Variants in CAMK2D observed in about 807,000 individuals in gnomAD.
CAMK2D encodes the protein calcium/calmodulin-dependent protein kinase type II subunit delta.
CAMK2D carries 37 observed loss-of-function variants against 84.0 expected under a neutral mutation model. That is an observed-to-expected ratio of 0.44 (90% CI 0.34 to 0.58). CAMK2D has a LOEUF of 0.58. CAMK2D is among the 20% of genes least tolerant of loss of function. The probability of loss-of-function intolerance (pLI) is 0.02; values close to 1 mark genes in which losing one functional copy is unlikely to be tolerated. For synonymous variants in CAMK2D, 202 were observed against 212.5 expected, an observed-to-expected ratio of 0.95 and a Z score of 0.43; for missense variants, 448 against 652.5, an observed-to-expected ratio of 0.69 and a Z score of 3.41.
Position 113,517,501 on chromosome 4 carries a change from C to T in CAMK2D, c.696+62G>A, listed in dbSNP as rs562155453. On this transcript the variant is annotated intron_variant, in intron 9 of 20. Transcript: ENST00000511664. Reference sequence around the variant, plus strand: ...TTAAAAGAAAAATGAAAAGATCTGGCTCTTGGTCAACAGGCAAAAGACAAA... The same window carrying T: ...TTAAAAGAAAAATGAAAAGATCTGGTTCTTGGTCAACAGGCAAAAGACAAA... 7.6e-5 allele frequency: 54 copies of T among 711,538 alleles called. 1 individual carries two copies. The South Asian group carries it at 1.1e-3, about 15-fold the overall frequency. The allele number at this position is 711,538 out of a possible 1,614,324, so 44.1% of individuals were successfully genotyped here. A position where few individuals can be genotyped will look rare whatever the true frequency, so the allele number is the denominator to read the frequency against.
intron 2 of CAMK2D, among the ~76,000 whole-genome samples, chr4:113,687,619 A>T (rs1404520168): frequency 6.6e-6 from 1 of 152,238 alleles, no homozygotes; most frequent in Admixed American, 6.5e-5. Flanking sequence ...TGACTAAACA[A>T]GGAAACTTTC....
Position 113,506,632 on chromosome 4 carries a change from C to T in CAMK2D, c.985-1597G>A, listed in dbSNP as rs560133049. Reference sequence around the variant, plus strand: ...AATAATTTCCTATTCGGGAAACATGCTAGGCAAAACATAGCCGGCTTCCTG... The same window carrying T: ...AATAATTTCCTATTCGGGAAACATGTTAGGCAAAACATAGCCGGCTTCCTG... On this transcript the variant is annotated intron_variant, in intron 13 of 20. Coordinates refer to ENST00000511664, the MANE Select transcript of CAMK2D (RefSeq NM_001321571.2). Among the ~76,000 whole-genome samples the T allele has an allele frequency of 2.6e-5, 4 of 152,252 alleles. 1 individual carries two copies. The South Asian group carries it at 8.3e-4, about 32-fold the overall frequency.
intron 3 of CAMK2D, among the ~76,000 whole-genome samples, chr4:113,656,052 C>T (rs881377): frequency 0.069 from 10,458 of 152,130 alleles, 570 homozygotes; most frequent in East Asian, 0.22. Context: ...TGACATATAG[C>T]TCAGAATTTC....
At chr4:113,740,545 AG>A (rs762901575) in intron 2 of CAMK2D, among the ~76,000 whole-genome samples, 6 of 152,092 alleles carry the variant, frequency 3.9e-5, no homozygotes, top group Non-Finnish European at 7.4e-5. Flanking sequence ...CTCACATTTA[AG>A]TCAAGACCTG....
chr4:113,754,100 A>T (rs1464940626), intron 2 of CAMK2D: 1 of 873,538 alleles, frequency 1.1e-6, no homozygotes, highest in Non-Finnish European at 1.4e-6. Context: ...AAATATAAAG[A>T]TATGTTTTAC....
At chr4:113,487,372 TATAG>T (rs1564560812) in intron 16 of CAMK2D, among the ~76,000 whole-genome samples, 1 of 152,110 alleles carries the variant, frequency 6.6e-6, no homozygotes, top group African/African-American at 2.4e-5. Context: ...TTACATAATT[TATAG>T]ATATATTTAT....
chr4:113,617,659 G>C (rs561534298), intron 3 of CAMK2D, among the ~76,000 whole-genome samples: 33 of 149,464 alleles, frequency 2.2e-4, no homozygotes, highest in Admixed American at 5.9e-4. Context: ...AGGAAAAACA[G>C]AACAATTTTT....
rs528504746 is a variant in CAMK2D at position 113,649,800 on chromosome 4, G to T, written c.220+11913C>A. On this transcript the variant is annotated intron_variant, in intron 3 of 20. Transcript: ENST00000511664. ...TAACCATTAGAAATGGAAGACAACT[G>T]GCCAGGCGTGGTGGCTCATGCCTGT... Among the ~76,000 whole-genome samples the T allele has an allele frequency of 2.4e-4, 37 of 152,322 alleles. 1 individual carries two copies. The South Asian group carries it at 7.0e-3, about 29-fold the overall frequency.
intron 3 of CAMK2D, among the ~76,000 whole-genome samples, chr4:113,648,338 A>T (rs899548983): frequency 6.6e-6 from 1 of 152,218 alleles, no homozygotes; most frequent in African/African-American, 2.4e-5. Flanking sequence ...AAGAAGTCAA[A>T]TTTTTACAAA....
chr4:113,659,871 G>A (rs1269541852), intron 3 of CAMK2D, among the ~76,000 whole-genome samples: 1 of 152,194 alleles, frequency 6.6e-6, no homozygotes, highest in African/African-American at 2.4e-5. Context: ...TCAGCTGGCA[G>A]TATGTTTTGT....
In CAMK2D at chr4:113,487,276, G is replaced by T. The variant is rs184816852; in HGVS notation, c.1135+13187C>A. On this transcript the variant is annotated intron_variant, in intron 16 of 20. Coordinates refer to ENST00000511664, the MANE Select transcript of CAMK2D (RefSeq NM_001321571.2). ...CTAATTCCTCCTGACCAAATCAAGG[G>T]GGTTATAGCAGAAATCCATAGCAGA... 1.1e-4 allele frequency among the ~76,000 whole-genome samples: 16 copies of T among 152,004 alleles called. No homozygotes were observed. In the East Asian group the frequency reaches 2.9e-3, roughly 28 times the overall value.
chr4:113,682,539 C>T (rs577373979), intron 2 of CAMK2D, among the ~76,000 whole-genome samples: 4 of 152,070 alleles, frequency 2.6e-5, no homozygotes, highest in Admixed American at 1.3e-4. Context: ...CAGACTTCAA[C>T]TTCTGTTCAA....
intron 3 of CAMK2D, among the ~76,000 whole-genome samples, chr4:113,625,580 C>A (rs1433478624): frequency 6.6e-6 from 1 of 152,050 alleles, no homozygotes; most frequent in African/African-American, 2.4e-5. Flanking sequence ...TATAGCAAGA[C>A]TTTACTTGAC....
chr4:113,540,293 G>C (rs1245268222), intron 6 of CAMK2D, among the ~76,000 whole-genome samples: 2 of 152,110 alleles, frequency 1.3e-5, no homozygotes, highest in Non-Finnish European at 2.9e-5. Flanking sequence ...AAGCTGAAAG[G>C]GTAGTATTTC....
At chr4:113,474,498 C>CTTT (rs70961831) in intron 16 of CAMK2D, among the ~76,000 whole-genome samples, 25 of 89,820 alleles carry the variant, frequency 2.8e-4, no homozygotes, top group African/African-American at 3.8e-4. Context: ...CCTTTTTGGC[C>CTTT]TTTTTTTTTT....
At chr4:113,502,219 G>C (rs1179838169) in intron 15 of CAMK2D, among the ~76,000 whole-genome samples, 2 of 151,986 alleles carry the variant, frequency 1.3e-5, no homozygotes, top group African/African-American at 4.8e-5. Flanking sequence ...GTATGCTAGT[G>C]CTGTTATTTA....
Position 113,494,911 on chromosome 4 carries a change from C to T in CAMK2D, c.1135+5552G>A, listed in dbSNP as rs60810632. Among the ~76,000 whole-genome samples, 780 of 152,300 alleles carry T rather than the reference C, an allele frequency of 5.1e-3. 7 individuals carry two copies. The highest frequency in any genetic ancestry group is 0.018 in the African/African-American group (728 of 41,554). On this transcript the variant is annotated intron_variant, in intron 16 of 20. Transcript: ENST00000511664. ...AGGAGTGACCCGATTTTCCAGGTCC[C>T]GTCTGTAACCCCTTTCTTTGACTCA...
At chr4:113,615,659 G>C (rs2099018120) in intron 3 of CAMK2D, among the ~76,000 whole-genome samples, 1 of 151,960 alleles carries the variant, frequency 6.6e-6, no homozygotes, top group African/African-American at 2.4e-5. Context: ...GAGTACATTA[G>C]AAAAAATATA....
chr4:113,631,449 G>A (rs1008670465), intron 3 of CAMK2D, among the ~76,000 whole-genome samples: 2 of 152,202 alleles, frequency 1.3e-5, no homozygotes, highest in African/African-American at 2.4e-5. Context: ...CAGACAGGCT[G>A]CAGTTGACAT....
Sources: allele counts gnomAD v4.1 joint callset (sites outside exome capture counted in the v4.1 genomes callset), GRCh38; gene constraint gnomAD v4.1.1; transcripts MANE v1.5; gene names NCBI Gene and HGNC (gene_info 2026-07-23, HGNC 2026-07-21).